Variants in C9orf153 observed in about 807,000 individuals in gnomAD.
C9orf153 encodes the protein uncharacterized protein C9orf153.
In C9orf153, 10 loss-of-function variants were observed where a neutral mutation model predicts 9.0. The observed-to-expected ratio is 1.11, with a 90% CI of 0.69 to 1.89. C9orf153 has a LOEUF of 1.89. Among genes scored for constraint, C9orf153 ranks in the 40% most tolerant of loss-of-function variants. The probability of loss-of-function intolerance (pLI) is 0.00; values close to 1 mark genes in which losing one functional copy is unlikely to be tolerated. For missense variants in C9orf153, 108 were observed against 111.0 expected (o/e 0.97, Z 0.12); for synonymous variants, 35 against 37.3 (o/e 0.94, Z 0.23).
chr9:86,241,355 A>G (rs199616385), intron 1 of C9orf153, among the ~76,000 whole-genome samples: 2 of 92,406 alleles, frequency 2.2e-5, no homozygotes, highest in Admixed American at 1.1e-4. Context: ...TGCGTGGTAG[A>G]TACTCATCTT....
chr9:86,226,801 G>A (rs766415140), intron 3 of C9orf153, among the ~76,000 whole-genome samples: 6 of 151,904 alleles, frequency 3.9e-5, no homozygotes, highest in African/African-American at 4.8e-5. Context: ...TTTTGTCCTC[G>A]TGGCCCAGGC....
intron 1 of C9orf153, among the ~76,000 whole-genome samples, chr9:86,239,178 T>C (rs1329865338): frequency 3.3e-5 from 5 of 151,936 alleles, no homozygotes; most frequent in Non-Finnish European, 7.4e-5. Flanking sequence ...AAGGAATCAC[T>C]TGAACCCGGG....
chr9:86,223,439 G>A (rs1224394100), intron 3 of C9orf153, among the ~76,000 whole-genome samples: 1 of 152,138 alleles, frequency 6.6e-6, no homozygotes, highest in Non-Finnish European at 1.5e-5. Context: ...CTGCACTCCA[G>A]CCTGGGTGAC....
intron 1 of C9orf153, among the ~76,000 whole-genome samples, chr9:86,239,077 T>C (rs62573364): frequency 0.22 from 33,787 of 151,738 alleles, 4,775 homozygotes; most frequent in East Asian, 0.46. Flanking sequence ...CTGGCCAACA[T>C]GGTGAAACCC....
At chr9:86,258,558 G>A (rs1300643849) in intron 1 of C9orf153, 1 of 152,016 alleles carries the variant, frequency 6.6e-6, no homozygotes, top group Non-Finnish European at 1.5e-5. Flanking sequence ...AGGGAGGAAG[G>A]AGACATCCAC....
chr9:86,234,373 G>C lies in C9orf153; in HGVS notation c.-26-4744C>G, dbSNP rs540838343. 5.3e-5 allele frequency among the ~76,000 whole-genome samples: 8 copies of C among 152,252 alleles called. No individual in the cohort carries two copies. The South Asian group carries it at 1.7e-3, about 32-fold the overall frequency. On this transcript the variant is annotated intron_variant, in intron 1 of 3. Transcript: ENST00000339137. ...TATAAAAGGGAAACATAAATAACAG[G>C]AAATGAAATAAAGGCTAAAAATTAT...
At chr9:86,233,564 G>A (rs1164725255) in intron 1 of C9orf153, among the ~76,000 whole-genome samples, 4 of 151,982 alleles carry the variant, frequency 2.6e-5, no homozygotes, top group Non-Finnish European at 4.4e-5. Context: ...TTACAGGGAT[G>A]TGCCACCATG....
intron 1 of C9orf153, among the ~76,000 whole-genome samples, chr9:86,231,374 G>GAATA (rs1824464496): frequency 6.6e-6 from 1 of 152,144 alleles, no homozygotes; most frequent in African/African-American, 2.4e-5. Flanking sequence ...GTAGGTAAGA[G>GAATA]AATATATGGA....
intron 1 of C9orf153, among the ~76,000 whole-genome samples, chr9:86,232,541 T>C (rs1824494437): frequency 6.6e-6 from 1 of 152,084 alleles, no homozygotes. Flanking sequence ...TAAATTTTCC[T>C]TGTACTGTGA....
At chr9:86,232,743 CT>C (rs1563998951) in intron 1 of C9orf153, among the ~76,000 whole-genome samples, 1 of 151,762 alleles carries the variant, frequency 6.6e-6, no homozygotes, top group East Asian at 1.9e-4. Flanking sequence ...CTTTTCTTTT[CT>C]TTTTTTGAGA....
chr9:86,243,569 G>A (rs572810913), intron 1 of C9orf153, among the ~76,000 whole-genome samples: 1 of 151,150 alleles, frequency 6.6e-6, no homozygotes. Context: ...AGGTTCAAGC[G>A]ATTCTCCTGC....
intron 1 of C9orf153, among the ~76,000 whole-genome samples, chr9:86,239,965 A>C (rs937246898): frequency 2.6e-5 from 4 of 152,184 alleles, no homozygotes; most frequent in Non-Finnish European, 5.9e-5. Context: ...GGAGCAGTTC[A>C]GTGCCCTGAG....
chr9:86,256,909 C>G (rs1825132883), intron 1 of C9orf153, among the ~76,000 whole-genome samples: 1 of 152,120 alleles, frequency 6.6e-6, no homozygotes, highest in South Asian at 2.1e-4. Flanking sequence ...CCTGTAATCC[C>G]AGCTACACGG....
intron 3 of C9orf153, among the ~76,000 whole-genome samples, chr9:86,226,637 T>C (rs911658487): frequency 6.6e-6 from 1 of 152,202 alleles, no homozygotes; most frequent in Non-Finnish European, 1.5e-5. Flanking sequence ...CACAAATTGA[T>C]GTAATCTATT....
intron 1 of C9orf153, among the ~76,000 whole-genome samples, chr9:86,248,270 A>G (rs578069624): frequency 6.6e-6 from 1 of 151,984 alleles, no homozygotes; most frequent in African/African-American, 2.4e-5. Context: ...AGTAGCTGGG[A>G]TTACAGGTGC....
intron 3 of C9orf153, chr9:86,227,453 G>C: frequency 7.0e-7 from 1 of 1,438,502 alleles, no homozygotes; most frequent in East Asian, 2.6e-5. Flanking sequence ...CAAAATTGCT[G>C]TAGGTCAGTA....
intron 1 of C9orf153, among the ~76,000 whole-genome samples, chr9:86,242,685 C>T (rs553125707): frequency 5.9e-5 from 9 of 152,150 alleles, no homozygotes; most frequent in East Asian, 1.9e-4. Flanking sequence ...GAAGGACGCA[C>T]GCCACTTTTT....
intron 1 of C9orf153, among the ~76,000 whole-genome samples, chr9:86,251,914 TAC>T (rs34620205): frequency 7.5e-4 from 105 of 140,006 alleles, no homozygotes; most frequent in Non-Finnish European, 9.7e-4. Context: ...TTAGGTAAAC[TAC>T]ACACACACAC....
chr9:86,248,765 G>T (rs1824926242), intron 1 of C9orf153, among the ~76,000 whole-genome samples: 2 of 152,096 alleles, frequency 1.3e-5, no homozygotes, highest in African/African-American at 2.4e-5. Context: ...GGAAGCAGGG[G>T]CATTTACCCA....
Sources: gnomAD v4.1 joint callset for allele counts (sites outside exome capture counted in the v4.1 genomes callset) on GRCh38, gnomAD v4.1.1 for gene constraint, MANE v1.5 for transcripts, NCBI Gene and HGNC (gene_info 2026-07-23, HGNC 2026-07-21) for gene names.